Variants in SPRED3 observed in about 807,000 individuals in gnomAD.
SPRED3 encodes the protein sprouty-related, EVH1 domain-containing protein 3.
Under a neutral mutation model 37.6 loss-of-function variants are expected in SPRED3, and 23 were observed. The ratio of observed to expected loss-of-function variants is 0.61; its 90% CI spans 0.44 to 0.87. SPRED3 has a LOEUF of 0.87. Among genes scored for constraint, SPRED3 ranks in the 40% least tolerant of loss-of-function variants. The pLI, the probability that SPRED3 is intolerant of heterozygous loss-of-function variation, is 0.00. For missense variants in SPRED3, 584 were observed against 618.6 expected (o/e 0.94, Z 0.59); for synonymous variants, 302 against 279.6 (o/e 1.08, Z -0.80).
chr19:38,393,538 A>G (rs1970858326), intron 4 of SPRED3, among the ~76,000 whole-genome samples: 2 of 151,682 alleles, frequency 1.3e-5, no homozygotes, highest in East Asian at 1.9e-4. Flanking sequence ...GGATTTCACT[A>G]TGTTGGTCAG....
rs775983903 is a variant in SPRED3 at position 38,398,187 on chromosome 19, CT to C, written c.*2046del. 4.5e-4 allele frequency: 68 copies of C among 152,234 alleles called. No homozygotes were observed. Among genetic ancestry groups the C allele is most frequent in the Admixed American group, 1.2e-3 (19 of 15,280 alleles). The allele number at this position is 152,234 out of a possible 1,614,324, so 9.4% of individuals were successfully genotyped here. A position where few individuals can be genotyped will look rare whatever the true frequency, so the allele number is the denominator to read the frequency against. ...TTCCTAGTCCAGGTTCAAGTCCCAC[CT>C]TTTATGTTCTCCCCCTCCATTAACC... On this transcript the variant is annotated 3_prime_UTR_variant, in exon 6 of 6. Coordinates refer to ENST00000691638, the MANE Select transcript of SPRED3 (RefSeq NM_001394336.1).
intron 4 of SPRED3, among the ~76,000 whole-genome samples, chr19:38,394,035 G>A (rs1004414985): frequency 1.3e-5 from 2 of 152,198 alleles, no homozygotes; most frequent in African/African-American, 4.8e-5. Context: ...AGTCTGGCAC[G>A]TCGTGGGTGC....
rs1474824151 is a variant in SPRED3 at position 38,398,258 on chromosome 19, A to T, written c.*2113A>T. On this transcript the variant is annotated 3_prime_UTR_variant, in exon 6 of 6. Coordinates refer to ENST00000691638, the MANE Select transcript of SPRED3 (RefSeq NM_001394336.1). ...TATTTATTTATTTATTTATTTTGAG[A>T]CAGAGTCTCGCTGTATCACCCAGGC... 6.6e-6 allele frequency: 1 copy of T among 151,620 alleles called. No individual in the cohort carries two copies. Among genetic ancestry groups the T allele is most frequent in the Non-Finnish European group, 1.5e-5 (1 of 68,018 alleles). The allele number at this position is 151,620 out of a possible 1,614,324, so 9.4% of individuals were successfully genotyped here.
rs778780719 is a variant in SPRED3, at chr19:38,390,427, G to A, written c.125G>A (p.Gly42Glu). Reference sequence around the variant, plus strand: ...GTCCGAGGGGCCAGGCCCGAGGGGGGGGCCCGCCAGGGGCACTACGTCATC... The same window carrying A: ...GTCCGAGGGGCCAGGCCCGAGGGGGAGGCCCGCCAGGGGCACTACGTCATC... The part of the protein sequence containing the change: ...CRVRGARPEG[G>E]ARQGHYVIHG... Residue 42 changes from glycine to glutamate, a missense_variant, in exon 2 of 6, where the codon GGG (glycine) becomes GAG (glutamate). Physicochemically the swap from Gly to Glu is moderately conservative, Grantham distance 98 (BLOSUM62 -2). Around this residue, in one of 7 missense-constraint regions of SPRED3, gnomAD observed 88 missense variants for 77.0 expected, o/e 1.14. Transcript: ENST00000691638. The A allele has an allele frequency of 7.1e-6, 10 of 1,403,708 alleles. No homozygotes were observed. Among genetic ancestry groups the A allele is most frequent in the Admixed American group, 3.2e-5 (1 of 31,250 alleles). The allele number at this position is 1,403,708 out of a possible 1,614,324, so 87.0% of individuals were successfully genotyped here. A position where few individuals can be genotyped will look rare whatever the true frequency, so the allele number is the denominator to read the frequency against.
At chr19:38,394,306 C>T (rs375229187) in intron 4 of SPRED3, 77 of 1,442,716 alleles carry the variant, frequency 5.3e-5, no homozygotes, top group Admixed American at 2.9e-4. Context: ...TCAGGTTTGG[C>T]GAGCTGATTA....
rs1384386719 is a variant in SPRED3 at position 38,392,203 on chromosome 19, C to A, written c.347-9C>A. ...AGGAACTCACTCTCTGCCTCTCTCC[C>A]TGCCCCAGGCTCACTCACCCCCTCC... On this transcript the variant is annotated splice_polypyrimidine_tract_variant and intron_variant, in intron 3 of 5. Coordinates refer to ENST00000691638, the MANE Select transcript of SPRED3 (RefSeq NM_001394336.1). The A allele has an allele frequency of 4.4e-6, 7 of 1,599,890 alleles. No homozygotes were observed. Among genetic ancestry groups the A allele is most frequent in the East Asian group, 2.2e-5 (1 of 44,742 alleles).
rs1048691233 is a variant in SPRED3, at chr19:38,397,940, A to G, written c.*1795A>G. ...AAAAGGACCAAGTAGGAGCTCCCTC[A>G]CTGTCACGTCTAGGACCCAGCATTG... On this transcript the variant is annotated 3_prime_UTR_variant, in exon 6 of 6. Transcript: ENST00000691638. 29 of 150,966 alleles carry G rather than the reference A, an allele frequency of 1.9e-4. No homozygotes were observed. The highest frequency in any genetic ancestry group is 7.1e-4 in the African/African-American group (29 of 41,126). The allele number at this position is 150,966 out of a possible 1,614,324, so 9.4% of individuals were successfully genotyped here.
intron 5 of SPRED3, 69 bp downstream of exon 5, chr19:38,394,855 G>C: frequency 6.9e-7 from 1 of 1,452,804 alleles, no homozygotes; most frequent in Non-Finnish European, 9.0e-7. Flanking sequence ...GGGAGCGGGA[G>C]CCATGGCCCG....
At chr19:38,393,560 A>G (rs1970858607) in intron 4 of SPRED3, among the ~76,000 whole-genome samples, 1 of 150,598 alleles carries the variant, frequency 6.6e-6, no homozygotes, top group Admixed American at 6.6e-5. Context: ...CTGATCTCAA[A>G]CTCCTGACCT....
chr19:38,391,319 A>C (rs1970829656), intron 2 of SPRED3, among the ~76,000 whole-genome samples: 1 of 147,038 alleles, frequency 6.8e-6, no homozygotes, highest in Admixed American at 6.8e-5. Flanking sequence ...GAGAGAGCTC[A>C]TCTGGAAAAA....
rs1406201252 is a variant in SPRED3, at chr19:38,397,720, C to T, written c.*1575C>T. ...GATCCCAGCCCAAGCCCCCAGCAAT[C>T]CTCAGAATTACCCCTTTATCTTAGG... On this transcript the variant is annotated 3_prime_UTR_variant, in exon 6 of 6. Coordinates refer to ENST00000691638, the MANE Select transcript of SPRED3 (RefSeq NM_001394336.1). 1 of 152,140 alleles carries T rather than the reference C, an allele frequency of 6.6e-6. No individual in the cohort carries two copies. Among genetic ancestry groups the T allele is most frequent in the African/African-American group, 2.4e-5 (1 of 41,390 alleles). 9.4% of individuals were successfully genotyped at this position (152,140 alleles called of 1,614,324 possible).
chr19:38,394,505 C>T (rs1318671801), intron 4 of SPRED3, 138 bp from the exon 5 acceptor site: 1 of 1,538,214 alleles, frequency 6.5e-7, no homozygotes, highest in Non-Finnish European at 9.0e-7. Context: ...GGTCACACAA[C>T]CAGTCAGTGA....
chr19:38,394,836 G>T, intron 5 of SPRED3, 50 bp downstream of exon 5: 1 of 1,480,258 alleles, frequency 6.8e-7, no homozygotes, highest in East Asian at 2.4e-5. Flanking sequence ...GGTGCACTCG[G>T]GGCCCGAAGG....
rs1568397119 is a variant in SPRED3, at chr19:38,396,099, GCGGCTGCGC to G, written c.1196_1204del (p.Ala399_Cys401del). 2 of 1,300,102 alleles carry G rather than the reference GCGGCTGCGC, an allele frequency of 1.5e-6. No homozygotes were observed. Among genetic ancestry groups the G allele is most frequent in the African/African-American group, 3.1e-5 (2 of 64,814 alleles). 80.5% of individuals were successfully genotyped at this position (1,300,102 alleles called of 1,614,324 possible). Reference sequence around the variant, plus strand: ...GCGTGCCACTGGGTCGCAGCGCGATGCGGCTGCGCCGGCTGCGGGGGTCGCCACGAGGAG... The same window carrying G: ...GCGTGCCACTGGGTCGCAGCGCGATGCGGCTGCGGGGGTCGCCACGAGGAG... On this transcript the variant is annotated inframe_deletion, in exon 6 of 6. Coordinates refer to ENST00000691638, the MANE Select transcript of SPRED3 (RefSeq NM_001394336.1).
Position 38,395,466 on chromosome 19 carries a change from C to T in SPRED3, c.568-14C>T, listed in dbSNP as rs777969270. 6.9e-6 allele frequency: 10 copies of T among 1,441,774 alleles called. No homozygotes were observed. In the African/African-American group the frequency reaches 1.3e-4, roughly 19 times the overall value. 89.3% of individuals were successfully genotyped at this position (1,441,774 alleles called of 1,614,324 possible). A position where few individuals can be genotyped will look rare whatever the true frequency, so the allele number is the denominator to read the frequency against. The stretch of plus-strand genomic sequence containing the variant: ...TGGGATGGATTCTGATCTGTTTGTC[C>T]CTTCGTTCCGCAGAGCTACCCTCCG... On this transcript the variant is annotated splice_polypyrimidine_tract_variant and intron_variant, in intron 5 of 5. Coordinates refer to ENST00000691638, the MANE Select transcript of SPRED3 (RefSeq NM_001394336.1). This position sits in a 1 kb window ranked among gnomAD's most constrained non-coding sequence, Gnocchi z 5.2.
intron 2 of SPRED3, 26 bp downstream of exon 2, chr19:38,390,505 A>C: frequency 1.4e-6 from 1 of 739,810 alleles, no homozygotes; most frequent in Non-Finnish European, 1.8e-6. Context: ...GCATGCGGGG[A>C]GGGTAGGGAC....
rs73044928 is a variant in SPRED3 at position 38,397,372 on chromosome 19, A to G, written c.*1227A>G. The stretch of plus-strand genomic sequence containing the variant: ...AGTGACCCTAAGGTACTTTAGGAGC[A>G]CTGGATCCAATACCCCAAAGGTGCC... On this transcript the variant is annotated 3_prime_UTR_variant, in exon 6 of 6. Coordinates refer to ENST00000691638, the MANE Select transcript of SPRED3 (RefSeq NM_001394336.1). 3,382 of 152,334 alleles carry G rather than the reference A, an allele frequency of 0.022. 50 individuals are homozygous for G. Among genetic ancestry groups the G allele is most frequent in the South Asian group, 0.045 (215 of 4,824 alleles). 9.4% of individuals were successfully genotyped at this position (152,334 alleles called of 1,614,324 possible).
At position 38,388,711 on chromosome 19, in the gene SPRED3, G is replaced by A; in HGVS notation, c.-101G>A. The A allele has an allele frequency of 6.2e-6, 1 of 160,492 alleles. No homozygotes were observed. Among genetic ancestry groups the A allele is most frequent in the Non-Finnish European group, 1.3e-5 (1 of 77,162 alleles). 9.9% of individuals were successfully genotyped at this position (160,492 alleles called of 1,614,324 possible). On this transcript the variant is annotated 5_prime_UTR_variant, in exon 1 of 6. Coordinates refer to ENST00000691638, the MANE Select transcript of SPRED3 (RefSeq NM_001394336.1). ...CCCCTCGCCCCGGCTCCCGGTGCCCGTCTCCAGCGCCGCCGGAGCCAGCCA... is the reference window on the plus strand; with the variant it reads ...CCCCTCGCCCCGGCTCCCGGTGCCCATCTCCAGCGCCGCCGGAGCCAGCCA...
chr19:38,394,746 G>A lies in SPRED3; in HGVS notation c.527G>A (p.Gly176Glu). The A allele has an allele frequency of 6.3e-7, 1 of 1,582,838 alleles. No individual in the cohort carries two copies. The highest frequency in any genetic ancestry group is 8.6e-7 in the Non-Finnish European group (1 of 1,167,532). ...ACGATGGAGTCAGCTTCAGGCTTCGGGCCGACCACGCCCCCCCAGCGCCGC... is the reference window on the plus strand; with the variant it reads ...ACGATGGAGTCAGCTTCAGGCTTCGAGCCGACCACGCCCCCCCAGCGCCGC... ...IITMESASGF[G>E]PTTPPQRRRS... The change falls in exon 5 of 6, where the codon GGG becomes GAG. Residue 176 changes from glycine to glutamate, a missense_variant. By Grantham distance (98) the Gly-to-Glu change is moderately conservative. Around this residue, in one of 7 missense-constraint regions of SPRED3, gnomAD observed 310 missense variants for 281.1 expected, o/e 1.10. Coordinates refer to ENST00000691638, the MANE Select transcript of SPRED3 (RefSeq NM_001394336.1).
Sources: allele counts gnomAD v4.1 joint callset (sites outside exome capture counted in the v4.1 genomes callset), GRCh38; gene constraint gnomAD v4.1.1; regional missense constraint gnomAD v4.1.1; non-coding constraint Gnocchi (gnomAD v3.1); transcripts MANE v1.5; gene names NCBI Gene and HGNC (gene_info 2026-07-23, HGNC 2026-07-21).